The following ATP2C2 variants were observed in gnomAD, a reference collection of about 807,000 sequenced individuals.
ATP2C2 encodes the protein calcium-transporting ATPase type 2C member 2.
Under a neutral mutation model 110.8 loss-of-function variants are expected in ATP2C2, and 171 were observed. The observed-to-expected ratio is 1.54, with a 90% confidence interval of 1.36 to 1.75. ATP2C2 has a LOEUF of 1.75. Among genes scored for constraint, ATP2C2 ranks in the 40% most tolerant of loss-of-function variants. The pLI is 0.00. For missense variants in ATP2C2, 1,963 were observed against 1,235.0 expected (o/e 1.59, Z -8.84); for synonymous variants, 804 against 508.4 (o/e 1.58, Z -7.82).
At chr16:84,377,150 G>T (rs952708015) in intron 1 of ATP2C2, among the ~76,000 whole-genome samples, 1 of 152,134 alleles carries the variant, frequency 6.6e-6, no homozygotes, top group South Asian at 2.1e-4. Context: ...AGTGGAAGCC[G>T]TGTGCTAAGT....
At position 84,460,795 on chromosome 16, in the gene ATP2C2, G is replaced by C; in HGVS notation, c.2475G>C (p.Trp825Cys). Residue 825 changes from tryptophan to cysteine, a missense_variant, in exon 24 of 27, where the codon TGG becomes TGC. Trp to Cys is a radical substitution (Grantham distance 215). Transcript: ENST00000262429. ...TCAGCGGGACCCTCTTTATCTTCTG[G>C]AAGGAGGTGAGCGAGGGTCACCCCG... ...IIISGTLFIF[W>C]KEMPEDRAST... The C allele has an allele frequency of 6.2e-7, 1 of 1,612,066 alleles. No homozygotes were observed. Among genetic ancestry groups the C allele is most frequent in the Middle Eastern group, 1.7e-4 (1 of 6,050 alleles).
At chr16:84,402,973 C>T (rs535168539) in intron 2 of ATP2C2, among the ~76,000 whole-genome samples, 1 of 152,272 alleles carries the variant, frequency 6.6e-6, no homozygotes, top group South Asian at 2.1e-4. Flanking sequence ...TGTTATTGGT[C>T]TATTCAGCTT....
intron 11 of ATP2C2, among the ~76,000 whole-genome samples, chr16:84,429,590 A>C (rs1198154733): frequency 1.3e-5 from 2 of 152,100 alleles, no homozygotes; most frequent in Admixed American, 6.6e-5. Context: ...TGTGAACAAG[A>C]CAGTCATGGT....
At position 84,387,498 on chromosome 16, in the gene ATP2C2, T is replaced by C. The variant is rs146321372; in HGVS notation, c.100-11001T>C. Among the ~76,000 whole-genome samples the C allele has an allele frequency of 1.4e-4, 21 of 151,658 alleles. No individual in the cohort carries two copies. In the East Asian group the frequency reaches 3.9e-3, roughly 28 times the overall value. ...TTGCACTCCAGCCTGGGCGACAGAGTGAGACTCTGTCTCAAAAAAAACAAG... is the reference window on the plus strand; with the variant it reads ...TTGCACTCCAGCCTGGGCGACAGAGCGAGACTCTGTCTCAAAAAAAACAAG... On this transcript the variant is annotated intron_variant, in intron 1 of 26. Transcript: ENST00000262429.
intron 1 of ATP2C2, among the ~76,000 whole-genome samples, chr16:84,394,103 G>C (rs1476529369): frequency 1.3e-5 from 2 of 151,818 alleles, no homozygotes; most frequent in African/African-American, 2.4e-5. Flanking sequence ...CAAATTGCTT[G>C]AGCCTGGGAG....
rs200645514 is a variant in ATP2C2, at chr16:84,427,604, C to G, written c.986+1803C>G. 2.6e-5 allele frequency among the ~76,000 whole-genome samples: 4 copies of G among 152,226 alleles called. No homozygotes were observed. In the East Asian group the frequency reaches 7.7e-4, roughly 29 times the overall value. ...TGGTGGCAGGCACCTAAAATCCCAGCTACTCGGGAGGCTGAGGCAGAAGAA... is the reference window on the plus strand; with the variant it reads ...TGGTGGCAGGCACCTAAAATCCCAGGTACTCGGGAGGCTGAGGCAGAAGAA... On this transcript the variant is annotated intron_variant, in intron 11 of 26. Transcript: ENST00000262429.
At chr16:84,447,999 A>T (rs1310486193) in intron 16 of ATP2C2, among the ~76,000 whole-genome samples, 1 of 151,926 alleles carries the variant, frequency 6.6e-6, no homozygotes, top group Non-Finnish European at 1.5e-5. Context: ...TGTGACTCTC[A>T]CTGACCCAGG....
At chr16:84,443,329 C>T (rs1328011332) in intron 15 of ATP2C2, among the ~76,000 whole-genome samples, 6 of 152,200 alleles carry the variant, frequency 3.9e-5, no homozygotes, top group South Asian at 2.1e-4. Context: ...GGTCCCTCCT[C>T]TTCAGCCAGA....
intron 1 of ATP2C2, among the ~76,000 whole-genome samples, chr16:84,390,182 G>A (rs1197353443): frequency 6.6e-6 from 1 of 152,216 alleles, no homozygotes; most frequent in Non-Finnish European, 1.5e-5. Flanking sequence ...AGATCATTAG[G>A]GTCTAACGCA....
chr16:84,373,629 G>A (rs769906709), intron 1 of ATP2C2, among the ~76,000 whole-genome samples: 2 of 152,194 alleles, frequency 1.3e-5, no homozygotes, highest in Non-Finnish European at 2.9e-5. Context: ...TACACTCAAA[G>A]GGAAGGGGTT....
In ATP2C2 at chr16:84,460,736, A is replaced by C. The variant is rs768452364; in HGVS notation, c.2416A>C (p.Ile806Leu). The change falls in exon 24 of 27, where the codon ATC (isoleucine) becomes CTC (leucine). Residue 806 changes from isoleucine (I) to leucine (L), a missense_variant. By Grantham distance (5) the Ile-to-Leu change is conservative. Coordinates refer to ENST00000262429, the MANE Select transcript of ATP2C2 (RefSeq NM_014861.4). ...GGACACCATCCTCAGCAGAGCCCTC[A>C]TCCTGAAGATCCTCATGTCCGCGGC... ...VRDTILSRAL[I>L]LKILMSAAII... 1 of 1,614,156 alleles carries C rather than the reference A, an allele frequency of 6.2e-7. No individual in the cohort carries two copies. Among genetic ancestry groups the C allele is most frequent in the South Asian group, 1.1e-5 (1 of 91,088 alleles).
At chr16:84,420,781 G>C (rs1907261818) in intron 7 of ATP2C2, among the ~76,000 whole-genome samples, 2 of 152,052 alleles carry the variant, frequency 1.3e-5, no homozygotes, top group African/African-American at 4.8e-5. Flanking sequence ...GATGTTCCTT[G>C]TTTTTGACCT....
chr16:84,380,996 T>C (rs1216399377), intron 1 of ATP2C2, among the ~76,000 whole-genome samples: 1 of 152,110 alleles, frequency 6.6e-6, no homozygotes, highest in Non-Finnish European at 1.5e-5. Context: ...CCGGCCAACG[T>C]AGTGAATTTC....
At chr16:84,417,764 GTTATT>G (rs1049128495) in intron 7 of ATP2C2, among the ~76,000 whole-genome samples, 2 of 152,272 alleles carry the variant, frequency 1.3e-5, no homozygotes, top group Admixed American at 6.5e-5. Context: ...TACCACGAAG[GTTATT>G]TTAAGGCTAC....
chr16:84,426,323 G>C (rs1190870603), intron 11 of ATP2C2, among the ~76,000 whole-genome samples: 2 of 152,134 alleles, frequency 1.3e-5, no homozygotes, highest in Non-Finnish European at 2.9e-5. Flanking sequence ...GAAGGAGATG[G>C]CGCTAATCCA....
intron 1 of ATP2C2, among the ~76,000 whole-genome samples, chr16:84,374,652 G>C (rs1032066861): frequency 6.6e-6 from 1 of 152,092 alleles, no homozygotes. Flanking sequence ...CATCATATTA[G>C]GGGTGGGACT....
At chr16:84,388,533 A>G (rs544801356) in intron 1 of ATP2C2, among the ~76,000 whole-genome samples, 69 of 152,238 alleles carry the variant, frequency 4.5e-4, no homozygotes, top group African/African-American at 1.6e-3. Context: ...ATAAGATAAA[A>G]CTAGAGAATA....
intron 1 of ATP2C2, among the ~76,000 whole-genome samples, chr16:84,396,589 T>C (rs1047776762): frequency 1.5e-5 from 2 of 133,192 alleles, no homozygotes; most frequent in Admixed American, 7.6e-5. Flanking sequence ...GTGAATTCGG[T>C]GTAGTGAGTC....
chr16:84,424,651 T>C (rs1353286093), intron 10 of ATP2C2, among the ~76,000 whole-genome samples: 1 of 149,202 alleles, frequency 6.7e-6, no homozygotes, highest in East Asian at 2.0e-4. Flanking sequence ...CTCAGTCCCA[T>C]GGACCCCCTA....
Sources: allele counts gnomAD v4.1 joint callset (sites outside exome capture counted in the v4.1 genomes callset), GRCh38; gene constraint gnomAD v4.1.1; transcripts MANE v1.5; gene names NCBI Gene and HGNC (gene_info 2026-07-23, HGNC 2026-07-21).